The following SLC15A5 variants were observed in gnomAD, a reference collection of about 807,000 sequenced individuals.
SLC15A5 encodes solute carrier family 15 member 5.
A neutral mutation model predicts 56.1 loss-of-function variants in SLC15A5; 58 were observed. The observed-to-expected ratio is 1.03, with a 90% CI of 0.84 to 1.29. The LOEUF is 1.29. Ranked by LOEUF, SLC15A5 falls within the 50% of genes most tolerant of loss-of-function variation. The probability of loss-of-function intolerance (pLI) is 0.00; values close to 1 mark genes in which losing one functional copy is unlikely to be tolerated. For missense variants in SLC15A5, 681 were observed against 672.1 expected (o/e 1.01, Z -0.15); for synonymous variants, 264 against 250.5 (o/e 1.05, Z -0.51).
intron 7 of SLC15A5, among the ~76,000 whole-genome samples, chr12:16,208,862 A>T (rs1864048284): frequency 6.6e-6 from 1 of 152,176 alleles, no homozygotes; most frequent in South Asian, 2.1e-4. Context: ...AAGACCAAAA[A>T]GTTATTTGTT....
chr12:16,257,588 C>A (rs772462083), intron 3 of SLC15A5, 113 bp downstream of exon 3: 42 of 861,710 alleles, frequency 4.9e-5, no homozygotes, highest in Non-Finnish European at 6.5e-5. Flanking sequence ...TAATATCTGA[C>A]ACAATTTTCA....
chr12:16,255,445 T>G (rs545725778), intron 3 of SLC15A5, among the ~76,000 whole-genome samples: 3 of 152,118 alleles, frequency 2.0e-5, no homozygotes, highest in Non-Finnish European at 4.4e-5. Flanking sequence ...GACAATATAC[T>G]TTGTTTGAGA....
chr12:16,216,880 A>G lies in SLC15A5; in HGVS notation c.1483+13T>C. 3 of 1,533,608 alleles carry G rather than the reference A, an allele frequency of 2.0e-6. No individual in the cohort carries two copies. Among genetic ancestry groups the G allele is most frequent in the Non-Finnish European group, 2.6e-6 (3 of 1,145,376 alleles). On this transcript the variant is annotated intron_variant, in intron 7 of 8. Coordinates refer to ENST00000344941, the MANE Select transcript of SLC15A5 (RefSeq NM_001170798.1). ...ACTCAATGTATATAAGCATGCCACG[A>G]ACCTATTTTTACCATCTGAGATGAG...
chr12:16,277,064 T>C (rs1864827643), intron 1 of SLC15A5, among the ~76,000 whole-genome samples: 1 of 151,720 alleles, frequency 6.6e-6, no homozygotes. Flanking sequence ...AGGAGTAAGA[T>C]AGATATGTAA....
intron 1 of SLC15A5, among the ~76,000 whole-genome samples, chr12:16,273,919 A>G (rs1172975879): frequency 6.7e-6 from 1 of 149,008 alleles, no homozygotes; most frequent in Non-Finnish European, 1.5e-5. Flanking sequence ...AATATTTTAA[A>G]AATATTTATA....
intron 7 of SLC15A5, among the ~76,000 whole-genome samples, chr12:16,205,675 AAT>A: frequency 6.6e-6 from 1 of 150,526 alleles, no homozygotes; most frequent in Non-Finnish European, 1.5e-5. Flanking sequence ...TCACTTCAGC[AAT>A]ATGTCACTCC....
chr12:16,218,987 G>T (rs894301152), intron 6 of SLC15A5, among the ~76,000 whole-genome samples: 2 of 151,878 alleles, frequency 1.3e-5, no homozygotes, highest in Non-Finnish European at 2.9e-5. Flanking sequence ...TTTTACTTTC[G>T]GTGTGTCCTG....
At position 16,205,596 on chromosome 12, in the gene SLC15A5, T is replaced by TAC. The variant is rs56313529; in HGVS notation, c.1484-11145_1484-11144dup. Among the ~76,000 whole-genome samples, 42 of 87,714 alleles carry TAC rather than the reference T, an allele frequency of 4.8e-4. 1 individual carries two copies. Among genetic ancestry groups the TAC allele is most frequent in the African/African-American group, 1.6e-3 (39 of 23,854 alleles). 57.5% of individuals were successfully genotyped at this position (87,714 alleles called of 152,430 possible). A position where few individuals can be genotyped will look rare whatever the true frequency, so the allele number is the denominator to read the frequency against. On this transcript the variant is annotated intron_variant, in intron 7 of 8. Transcript: ENST00000344941. The stretch of plus-strand genomic sequence containing the variant: ...GGAAAGGTGCATATATATATACATA[T>TAC]ACACACACACACACATATATATACA...
intron 3 of SLC15A5, among the ~76,000 whole-genome samples, chr12:16,248,417 T>A (rs1021590919): frequency 6.6e-6 from 1 of 151,864 alleles, no homozygotes; most frequent in African/African-American, 2.4e-5. Context: ...AGGAGAAAGG[T>A]TGGTTAAGGA....
chr12:16,248,565 A>G (rs1478082344), intron 3 of SLC15A5, among the ~76,000 whole-genome samples: 1 of 152,126 alleles, frequency 6.6e-6, no homozygotes, highest in Non-Finnish European at 1.5e-5. Context: ...GGAACTATAC[A>G]ATAATCTGTC....
chr12:16,201,129 T>C (rs1863950823), intron 7 of SLC15A5, among the ~76,000 whole-genome samples: 3 of 152,086 alleles, frequency 2.0e-5, no homozygotes, highest in Admixed American at 2.0e-4. Context: ...GAAATGGAAA[T>C]ACTTAAGGAC....
intron 2 of SLC15A5, among the ~76,000 whole-genome samples, chr12:16,264,005 G>C (rs1864668427): frequency 1.3e-5 from 2 of 152,210 alleles, no homozygotes; most frequent in South Asian, 4.1e-4. Context: ...CACCCACACA[G>C]AGTTCCTAAT....
At chr12:16,245,495 T>C (rs1193313308) in intron 3 of SLC15A5, among the ~76,000 whole-genome samples, 2 of 152,226 alleles carry the variant, frequency 1.3e-5, no homozygotes, top group African/African-American at 2.4e-5. Flanking sequence ...TGCTAGTGAT[T>C]TGCAACCTCA....
chr12:16,204,490 A>G (rs1591640811), intron 7 of SLC15A5, among the ~76,000 whole-genome samples: 1 of 133,928 alleles, frequency 7.5e-6, no homozygotes, highest in Non-Finnish European at 1.6e-5. Context: ...ATCTAGAAGT[A>G]TAAGCCATGG....
intron 1 of SLC15A5, among the ~76,000 whole-genome samples, chr12:16,273,440 G>A (rs1367532894): frequency 6.6e-6 from 1 of 152,044 alleles, no homozygotes; most frequent in Non-Finnish European, 1.5e-5. Flanking sequence ...AAAGAAGGTC[G>A]AGTATCCTTC....
intron 7 of SLC15A5, among the ~76,000 whole-genome samples, chr12:16,211,077 G>A (rs1331476675): frequency 6.6e-6 from 1 of 152,152 alleles, no homozygotes; most frequent in East Asian, 1.9e-4. Context: ...GGTGAATTAT[G>A]GCAGTAGGCC....
At chr12:16,213,039 A>C (rs142315433) in intron 7 of SLC15A5, among the ~76,000 whole-genome samples, 5 of 151,820 alleles carry the variant, frequency 3.3e-5, no homozygotes, top group Non-Finnish European at 7.4e-5. Flanking sequence ...AGAGAGAGAG[A>C]GTCCAGGTTG....
At chr12:16,257,441 AG>A (rs1451418574) in intron 3 of SLC15A5, among the ~76,000 whole-genome samples, 1 of 152,154 alleles carries the variant, frequency 6.6e-6, no homozygotes, top group East Asian at 1.9e-4. Flanking sequence ...CAGGGAAAAA[AG>A]GAAGATGGGG....
chr12:16,263,571 A>G lies in SLC15A5; in HGVS notation c.585-5701T>C, dbSNP rs149431579. 8.7e-3 allele frequency among the ~76,000 whole-genome samples: 1,322 copies of G among 152,246 alleles called. 26 individuals are homozygous for G. The highest frequency in any genetic ancestry group is 0.03 in the African/African-American group (1,242 of 41,534). On this transcript the variant is annotated intron_variant, in intron 2 of 8. Coordinates refer to ENST00000344941, the MANE Select transcript of SLC15A5 (RefSeq NM_001170798.1). ...AACAAGAAACCAAATGTTAATCCCC[A>G]AGACAATGGGGAAAATGTCTCTCCA...
Sources: gnomAD v4.1 joint callset for allele counts (sites outside exome capture counted in the v4.1 genomes callset) on GRCh38, gnomAD v4.1.1 for gene constraint, MANE v1.5 for transcripts, NCBI Gene and HGNC (gene_info 2026-07-23, HGNC 2026-07-21) for gene names.